The following ARID4B variants were observed in gnomAD, a reference collection of about 807,000 sequenced individuals.
ARID4B encodes the protein AT-rich interaction domain 4B.
Under a neutral mutation model 147.5 loss-of-function variants are expected in ARID4B, and 26 were observed. The ratio of observed to expected loss-of-function variants is 0.18; its 90% CI spans 0.13 to 0.24. The LOEUF is 0.24. Ranked by LOEUF, ARID4B falls within the 10% of genes least tolerant of loss-of-function variation. The pLI is 1.00. For missense variants in ARID4B, 1,179 were observed against 1,511.5 expected, an observed-to-expected ratio of 0.78 and a Z score of 3.65; for synonymous variants, 512 against 507.9, an observed-to-expected ratio of 1.01 and a Z score of -0.11.
chr1:235,205,747 A>G (rs1272320680), intron 17 of ARID4B, among the ~76,000 whole-genome samples: 1 of 152,236 alleles, frequency 6.6e-6, no homozygotes, highest in Non-Finnish European at 1.5e-5. Context: ...AGATATACAA[A>G]TGGCTAATAA....
intron 2 of ARID4B, among the ~76,000 whole-genome samples, chr1:235,317,138 A>C (rs1674495406): frequency 6.6e-6 from 1 of 152,236 alleles, no homozygotes; most frequent in Non-Finnish European, 1.5e-5. Flanking sequence ...CTGATTCTGC[A>C]ATGATTTAAG....
intron 11 of ARID4B, 119 bp from the exon 12 acceptor site, chr1:235,224,894 T>C (rs1667725337): frequency 3.0e-6 from 2 of 669,404 alleles, no homozygotes; most frequent in Admixed American, 6.0e-5. Context: ...GCTTTTTACG[T>C]AATCAAAGTT....
In ARID4B at chr1:235,177,786, G is replaced by T. The variant is rs767320011; in HGVS notation, c.3448+14C>A. 3.3e-5 allele frequency: 51 copies of T among 1,535,730 alleles called. No homozygotes were observed. The highest frequency in any genetic ancestry group is 4.2e-5 in the Non-Finnish European group (47 of 1,120,756). On this transcript the variant is annotated intron_variant, in intron 21 of 23. Transcript: ENST00000264183. Reference sequence around the variant, plus strand: ...TTATTTTTATATTTTAAAAATTAGAGATTTCACACTTACTGCCTTTTCCCT... The same window carrying T: ...TTATTTTTATATTTTAAAAATTAGATATTTCACACTTACTGCCTTTTCCCT...
intron 2 of ARID4B, among the ~76,000 whole-genome samples, chr1:235,313,273 G>C (rs965623179): frequency 6.6e-6 from 1 of 152,044 alleles, no homozygotes; most frequent in African/African-American, 2.4e-5. Flanking sequence ...CAAGTAATCT[G>C]CCAGCCTCAA....
rs1558237060 is a variant in ARID4B, at chr1:235,240,421, A to G, written c.477T>C (p.Ser159=). 5.0e-6 allele frequency: 8 copies of G among 1,613,366 alleles called. No individual in the cohort carries two copies. The highest frequency in any genetic ancestry group is 6.8e-6 in the Non-Finnish European group (8 of 1,179,556). The change falls in exon 8 of 24, where the codon AGT becomes AGC. Residue 159 remains serine (S), a synonymous_variant. Coordinates refer to ENST00000264183, the MANE Select transcript of ARID4B (RefSeq NM_016374.6). ...GTTTCCTATCATCCTCATCTTCATC[A>G]CTGGAGGATGATGAAGACTCTTCCT... is the stretch of plus-strand genomic sequence containing the variant. ...IPEEESSSSS[S]DEDEDDRKQI...
chr1:235,206,296 G>A (rs1283921995), intron 17 of ARID4B, among the ~76,000 whole-genome samples: 3 of 151,946 alleles, frequency 2.0e-5, no homozygotes, highest in South Asian at 4.2e-4. Context: ...AAGCTTGAAC[G>A]ATGAAGAAAA....
intron 5 of ARID4B, among the ~76,000 whole-genome samples, chr1:235,255,255 A>ATCTATCTATC (rs1402914523): frequency 4.0e-5 from 4 of 99,366 alleles, no homozygotes; most frequent in Admixed American, 1.2e-4. Context: ...AGATAGATAG[A>ATCTATCTATC]TAGATAGATA....
chr1:235,260,761 G>T lies in ARID4B; in HGVS notation c.7-9C>A. 6.4e-7 allele frequency: 1 copy of T among 1,560,296 alleles called. No individual in the cohort carries two copies. The highest frequency in any genetic ancestry group is 1.1e-5 in the South Asian group (1 of 87,686). ...GGAGGCTCATCAAGGGCCTAAAAAT[G>T]CAAAGAAATATAATTAGATTTAAAC... On this transcript the variant is annotated splice_polypyrimidine_tract_variant and intron_variant, in intron 2 of 23. Coordinates refer to ENST00000264183, the MANE Select transcript of ARID4B (RefSeq NM_016374.6).
intron 17 of ARID4B, among the ~76,000 whole-genome samples, chr1:235,207,385 C>T (rs1420520413): frequency 2.0e-5 from 3 of 152,214 alleles, no homozygotes; most frequent in Non-Finnish European, 4.4e-5. Flanking sequence ...CCACGATCGG[C>T]TGCACAGGTG....
chr1:235,256,930 A>G (rs943000132), intron 4 of ARID4B, among the ~76,000 whole-genome samples: 2 of 152,104 alleles, frequency 1.3e-5, no homozygotes, highest in Non-Finnish European at 1.5e-5. Flanking sequence ...CCCCAAGTGC[A>G]GTGTACACAA....
intron 19 of ARID4B, among the ~76,000 whole-genome samples, chr1:235,183,214 C>A (rs1026520555): frequency 6.6e-6 from 1 of 151,378 alleles, no homozygotes; most frequent in Non-Finnish European, 1.5e-5. Flanking sequence ...AGTTAATATT[C>A]TTCTTTTTTT....
chr1:235,205,027 AATGGTCATTTT>A (rs1471275983), intron 17 of ARID4B, among the ~76,000 whole-genome samples: 1 of 152,224 alleles, frequency 6.6e-6, no homozygotes, highest in Non-Finnish European at 1.5e-5. Context: ...ACCACTGTCA[AATGGTCATTTT>A]ATAGGCCTCT....
At chr1:235,179,602 C>T (rs12128382) in intron 20 of ARID4B, among the ~76,000 whole-genome samples, 3,508 of 149,890 alleles carry the variant, frequency 0.023, 57 homozygotes, top group Middle Eastern at 0.06. Context: ...TATAAATTAC[C>T]CTAAATTTAG....
At chr1:235,192,024 T>C (rs977027284) in intron 19 of ARID4B, among the ~76,000 whole-genome samples, 3 of 152,140 alleles carry the variant, frequency 2.0e-5, no homozygotes, top group African/African-American at 7.2e-5. Flanking sequence ...TGAGTCGTGA[T>C]AGCACCACTG....
chr1:235,187,258 A>G, intron 19 of ARID4B: 1 of 200,036 alleles, frequency 5.0e-6, no homozygotes, highest in Non-Finnish European at 1.0e-5. Context: ...ACTGTTTTCT[A>G]TTTTCAGTAG....
At chr1:235,221,900 T>TTTC (rs1667494567) in intron 13 of ARID4B, among the ~76,000 whole-genome samples, 1 of 126,340 alleles carries the variant, frequency 7.9e-6, no homozygotes, top group African/African-American at 3.0e-5. Context: ...TTTTTTTTTT[T>TTTC]TTTTTTTTTT....
intron 14 of ARID4B, among the ~76,000 whole-genome samples, chr1:235,220,801 C>T (rs902209855): frequency 6.6e-6 from 1 of 152,056 alleles, no homozygotes; most frequent in Non-Finnish European, 1.5e-5. Flanking sequence ...CTATTTTTTG[C>T]ACATTTCTTA....
chr1:235,303,124 C>T (rs1466563808), intron 2 of ARID4B, among the ~76,000 whole-genome samples: 8 of 151,654 alleles, frequency 5.3e-5, no homozygotes, highest in Non-Finnish European at 7.4e-5. Flanking sequence ...AGGGTTTCAC[C>T]GTGTTAGCCA....
intron 20 of ARID4B, among the ~76,000 whole-genome samples, chr1:235,179,409 G>A (rs1664119542): frequency 6.6e-6 from 1 of 150,994 alleles, no homozygotes; most frequent in East Asian, 2.0e-4. Context: ...GTTAATCCCA[G>A]ATACTCAGCA....
Sources: gnomAD v4.1 joint callset for allele counts (sites outside exome capture counted in the v4.1 genomes callset) on GRCh38, gnomAD v4.1.1 for gene constraint, MANE v1.5 for transcripts, NCBI Gene and HGNC (gene_info 2026-07-23, HGNC 2026-07-21) for gene names.